Variants in CTNNA3 observed in about 807,000 individuals in gnomAD.
CTNNA3 encodes the protein catenin alpha-3.
A neutral mutation model predicts 95.7 loss-of-function variants in CTNNA3; 76 were observed. The observed-to-expected ratio is 0.79, with a 90% confidence interval of 0.66 to 0.96. The LOEUF (loss-of-function observed/expected upper bound fraction) is 0.96. CTNNA3 is among the 40% of genes least tolerant of loss of function. The probability of loss-of-function intolerance (pLI) is 0.00; values close to 1 mark genes in which losing one functional copy is unlikely to be tolerated. For synonymous variants in CTNNA3, 431 were observed against 374.4 expected (o/e 1.15, Z -1.74); for missense variants, 1,191 against 1,089.8 (o/e 1.09, Z -1.31).
At position 67,202,442 on chromosome 10, in the gene CTNNA3, C is replaced by T. The variant is rs61492764; in HGVS notation, c.843+17165G>A. Among the ~76,000 whole-genome samples, 161 of 152,236 alleles carry T rather than the reference C, an allele frequency of 1.1e-3. 1 individual carries two copies. The highest frequency in any genetic ancestry group is 3.7e-3 in the African/African-American group (154 of 41,556). On this transcript the variant is annotated intron_variant, in intron 6 of 17. Coordinates refer to ENST00000433211, the MANE Select transcript of CTNNA3 (RefSeq NM_013266.4). ...ACTATACTATGATCCACACTACTAA[C>T]CATATTTTATCAAACTGTATCTTAA... is the stretch of plus-strand genomic sequence containing the variant.
intron 9 of CTNNA3, among the ~76,000 whole-genome samples, chr10:66,645,326 T>C (rs1392888510): frequency 6.6e-6 from 1 of 151,292 alleles, no homozygotes; most frequent in Non-Finnish European, 1.5e-5. Context: ...ATTTTGTATT[T>C]ATATTATAAT....
intron 3 of CTNNA3, among the ~76,000 whole-genome samples, chr10:67,557,382 A>G (rs1226972527): frequency 6.6e-6 from 1 of 152,230 alleles, no homozygotes; most frequent in Non-Finnish European, 1.5e-5. Flanking sequence ...AACTTTCACC[A>G]TTAAGCATTC....
At chr10:66,963,709 A>G (rs1849248294) in intron 7 of CTNNA3, among the ~76,000 whole-genome samples, 1 of 152,046 alleles carries the variant, frequency 6.6e-6, no homozygotes, top group African/African-American at 2.4e-5. Flanking sequence ...GGAGACCAAG[A>G]CTCTATTCAT....
At chr10:67,669,847 A>C (rs1840398111) in intron 1 of CTNNA3, among the ~76,000 whole-genome samples, 1 of 152,216 alleles carries the variant, frequency 6.6e-6, no homozygotes, top group African/African-American at 2.4e-5. Flanking sequence ...AGCTTTATTT[A>C]GCAAATTGAA....
intron 10 of CTNNA3, among the ~76,000 whole-genome samples, chr10:66,539,983 C>T (rs113856420): frequency 0.011 from 1,741 of 152,196 alleles, 36 homozygotes; most frequent in African/African-American, 0.04. Context: ...TCTTCCCTCC[C>T]TAACTCAGAA....
chr10:66,926,859 GC>G (rs1271841361), intron 7 of CTNNA3: 1 of 1,410,454 alleles, frequency 7.1e-7, no homozygotes, highest in African/African-American at 1.4e-5. Context: ...GCCTATTTTT[GC>G]TTGATTAAGG....
intron 7 of CTNNA3, among the ~76,000 whole-genome samples, chr10:67,168,098 T>TGCA (rs1861861234): frequency 1.3e-5 from 2 of 152,154 alleles, no homozygotes; most frequent in Admixed American, 1.3e-4. Context: ...ATGGCGTCAC[T>TGCA]GCACTTCAGC....
chr10:67,590,726 T>A (rs990112470), intron 3 of CTNNA3, among the ~76,000 whole-genome samples: 7 of 152,108 alleles, frequency 4.6e-5, no homozygotes, highest in Non-Finnish European at 7.4e-5. Flanking sequence ...TTTTGTTCAT[T>A]TTGCTTTTCT....
intron 11 of CTNNA3, among the ~76,000 whole-genome samples, chr10:66,477,799 C>A (rs575640873): frequency 6.6e-6 from 1 of 152,004 alleles, no homozygotes; most frequent in African/African-American, 2.4e-5. Flanking sequence ...ATGGGCAATT[C>A]TCAACCAGGA....
chr10:66,670,776 C>CAG (rs1389707288), intron 9 of CTNNA3, among the ~76,000 whole-genome samples: 1 of 152,180 alleles, frequency 6.6e-6, no homozygotes, highest in African/African-American at 2.4e-5. Context: ...GGGAATCTTG[C>CAG]AGAGACATCT....
At chr10:66,719,876 C>A (rs1422243065) in intron 9 of CTNNA3, among the ~76,000 whole-genome samples, 1 of 151,944 alleles carries the variant, frequency 6.6e-6, no homozygotes, top group African/African-American at 2.4e-5. Context: ...AATCTAGATG[C>A]CTGCATTTCA....
intron 9 of CTNNA3, among the ~76,000 whole-genome samples, chr10:66,724,636 T>G (rs771199178): frequency 6.6e-6 from 1 of 152,208 alleles, no homozygotes; most frequent in Non-Finnish European, 1.5e-5. Context: ...AAAGCTTCAT[T>G]GAATAATTTG....
At chr10:66,736,352 ATT>A (rs567734648) in intron 9 of CTNNA3, among the ~76,000 whole-genome samples, 4 of 145,302 alleles carry the variant, frequency 2.8e-5, no homozygotes, top group Non-Finnish European at 1.5e-5. Context: ...CACCCGGCTA[ATT>A]TTTTTTTTTT....
chr10:66,079,958 T>A (rs1208867898), intron 14 of CTNNA3, among the ~76,000 whole-genome samples: 1 of 152,138 alleles, frequency 6.6e-6, no homozygotes, highest in African/African-American at 2.4e-5. Flanking sequence ...TAAAATAGTT[T>A]ATATCAATTT....
intron 11 of CTNNA3, among the ~76,000 whole-genome samples, chr10:66,394,112 A>G (rs1371507447): frequency 6.6e-6 from 1 of 152,060 alleles, no homozygotes; most frequent in Non-Finnish European, 1.5e-5. Context: ...ATTAATTTTC[A>G]TTGAGCATAA....
intron 12 of CTNNA3, among the ~76,000 whole-genome samples, chr10:66,283,677 AACT>A (rs2091533173): frequency 6.6e-6 from 1 of 151,890 alleles, no homozygotes; most frequent in Non-Finnish European, 1.5e-5. Context: ...TACAGATGGA[AACT>A]ACTACTTTCT....
chr10:65,946,418 T>C (rs1488919694), intron 17 of CTNNA3, among the ~76,000 whole-genome samples: 1 of 151,652 alleles, frequency 6.6e-6, no homozygotes, highest in Non-Finnish European at 1.5e-5. Flanking sequence ...TCTGTCTCTG[T>C]CTCTGTTTCT....
At chr10:66,556,705 G>A (rs555685799) in intron 10 of CTNNA3, among the ~76,000 whole-genome samples, 2 of 152,162 alleles carry the variant, frequency 1.3e-5, no homozygotes, top group South Asian at 4.1e-4. Flanking sequence ...TAGAAAGCTG[G>A]TTATCAGGGG....
At chr10:66,110,882 T>C (rs560156800) in intron 13 of CTNNA3, among the ~76,000 whole-genome samples, 1 of 152,332 alleles carries the variant, frequency 6.6e-6, no homozygotes, top group South Asian at 2.1e-4. Context: ...CTAGGCTGTA[T>C]GGTATAACCC....
Sources: allele counts gnomAD v4.1 joint callset (sites outside exome capture counted in the v4.1 genomes callset), GRCh38; gene constraint gnomAD v4.1.1; transcripts MANE v1.5; gene names NCBI Gene and HGNC (gene_info 2026-07-23, HGNC 2026-07-21).